Variants in RNF216 observed in about 807,000 individuals in gnomAD.
RNF216 encodes the protein E3 ubiquitin-protein ligase RNF216.
RNF216 carries 72 observed loss-of-function variants against 110.8 expected under a neutral mutation model. The observed-to-expected ratio is 0.65, with a 90% CI of 0.54 to 0.79. The LOEUF is 0.79. Among genes scored for constraint, RNF216 ranks in the 30% least tolerant of loss-of-function variants. The probability of loss-of-function intolerance (pLI) is 0.00; values close to 1 mark genes in which losing one functional copy is unlikely to be tolerated. For synonymous variants in RNF216, 495 were observed against 407.5 expected, an observed-to-expected ratio of 1.21 and a Z score of -2.59; for missense variants, 1,342 against 1,141.2, an observed-to-expected ratio of 1.18 and a Z score of -2.54.
At chr7:5,672,666 T>C (rs852412) in intron 13 of RNF216, among the ~76,000 whole-genome samples, 2,300 of 152,310 alleles carry the variant, frequency 0.015, 33 homozygotes, top group South Asian at 0.034. Flanking sequence ...TAAATACTTA[T>C]GTGATCACAT....
chr7:5,730,387 G>A (rs1794017676), intron 6 of RNF216, among the ~76,000 whole-genome samples: 1 of 152,184 alleles, frequency 6.6e-6, no homozygotes, highest in Admixed American at 6.5e-5. Context: ...ATAATAAAAT[G>A]TTAAGAGTTT....
At chr7:5,747,578 T>A (rs1795092122) in intron 3 of RNF216, among the ~76,000 whole-genome samples, 1 of 151,572 alleles carries the variant, frequency 6.6e-6, no homozygotes, top group African/African-American at 2.4e-5. Context: ...TAAGGTTTTG[T>A]CTGTTTTTTA....
chr7:5,779,370 G>C (rs1320088925), intron 1 of RNF216, among the ~76,000 whole-genome samples: 1 of 152,032 alleles, frequency 6.6e-6, no homozygotes, highest in East Asian at 1.9e-4. Context: ...ATCTGGCCCA[G>C]ACTCTCCAGG....
At chr7:5,705,623 C>T (rs1384353898) in intron 13 of RNF216, among the ~76,000 whole-genome samples, 3 of 152,046 alleles carry the variant, frequency 2.0e-5, no homozygotes, top group African/African-American at 4.8e-5. Context: ...AAAAAAACTG[C>T]GGTAGGCTGG....
intron 15 of RNF216, among the ~76,000 whole-genome samples, chr7:5,628,310 A>G (rs559530366): frequency 6.6e-6 from 1 of 152,304 alleles, no homozygotes; most frequent in Non-Finnish European, 1.5e-5. Context: ...GACGGCACTC[A>G]GCTACAATGA....
chr7:5,770,017 C>T (rs1386455538), intron 1 of RNF216, among the ~76,000 whole-genome samples: 3 of 86,892 alleles, frequency 3.5e-5, no homozygotes, highest in Non-Finnish European at 6.3e-5. Flanking sequence ...CAGAGTGAGA[C>T]CCATCTCAAA....
chr7:5,679,657 C>T (rs1790526279), intron 13 of RNF216, among the ~76,000 whole-genome samples: 1 of 152,206 alleles, frequency 6.6e-6, no homozygotes, highest in African/African-American at 2.4e-5. Flanking sequence ...CCACTGAAAT[C>T]GAGAGAATAG....
At chr7:5,690,218 T>G (rs935390386) in intron 13 of RNF216, among the ~76,000 whole-genome samples, 3 of 151,198 alleles carry the variant, frequency 2.0e-5, no homozygotes, top group Non-Finnish European at 4.4e-5. Flanking sequence ...TCCCAGCTAC[T>G]TGGGAGGCTG....
At chr7:5,695,665 T>G (rs1452755889) in intron 13 of RNF216, among the ~76,000 whole-genome samples, 2 of 152,230 alleles carry the variant, frequency 1.3e-5, no homozygotes, top group Non-Finnish European at 2.9e-5. Context: ...TGTCATTTGT[T>G]GTGGTTTTGG....
intron 3 of RNF216, among the ~76,000 whole-genome samples, chr7:5,750,129 C>A (rs1240246356): frequency 6.6e-6 from 1 of 152,208 alleles, no homozygotes; most frequent in Non-Finnish European, 1.5e-5. Flanking sequence ...AAGGACACAA[C>A]TGGAAACTGG....
chr7:5,642,208 TTC>T (rs1191781218), intron 14 of RNF216, among the ~76,000 whole-genome samples: 1 of 150,852 alleles, frequency 6.6e-6, no homozygotes, highest in African/African-American at 2.5e-5. Context: ...CAACTCAAGG[TTC>T]TGTTTTGTTT....
chr7:5,647,151 AG>A (rs951165191), intron 14 of RNF216, among the ~76,000 whole-genome samples: 2 of 150,804 alleles, frequency 1.3e-5, no homozygotes, highest in South Asian at 2.1e-4. Flanking sequence ...TGCCTCTGGC[AG>A]TTTTTGCCAG....
chr7:5,672,775 G>T (rs852411), intron 13 of RNF216, among the ~76,000 whole-genome samples: 15 of 151,988 alleles, frequency 9.9e-5, no homozygotes, highest in Admixed American at 9.2e-4. Context: ...GGTAGAGGAT[G>T]GATATGAGGG....
chr7:5,723,094 T>G (rs958580612), intron 8 of RNF216, among the ~76,000 whole-genome samples: 4 of 152,230 alleles, frequency 2.6e-5, no homozygotes, highest in African/African-American at 9.6e-5. Flanking sequence ...TTAACCTCTC[T>G]GTGCTTCACT....
Position 5,741,716 on chromosome 7 carries a change from C to T in RNF216, c.301G>A (p.Ala101Thr). 6.2e-7 allele frequency: 1 copy of T among 1,614,182 alleles called. No homozygotes were observed. The highest frequency in any genetic ancestry group is 8.5e-7 in the Non-Finnish European group (1 of 1,180,038). The change falls in exon 4 of 17, where the codon GCA becomes ACA. Residue 101 changes from alanine (A) to threonine (T), a missense_variant. Ala to Thr is a moderately conservative substitution (Grantham distance 58, BLOSUM62 0). Transcript: ENST00000389902. ...CTGCTCTTATCTGATTCAAATGCTG[C>T]TCTAGACTTTTTAGGCCTTTCTTCT... ...LGEERPKKSRAAFESDKSSYF... is the reference protein window; with the variant it reads ...LGEERPKKSRTAFESDKSSYF...
At chr7:5,729,677 T>C in intron 6 of RNF216, 81 bp from the exon 7 acceptor site, 4 of 1,169,176 alleles carry the variant, frequency 3.4e-6, no homozygotes, top group Non-Finnish European at 4.9e-6. Context: ...GAATTACATG[T>C]GTAGAAAAGA....
In RNF216 at chr7:5,747,874, G is replaced by A. The variant is rs573338092; in HGVS notation, c.201+4972C>T. 9.9e-5 allele frequency among the ~76,000 whole-genome samples: 15 copies of A among 151,876 alleles called. No individual in the cohort carries two copies. In the East Asian group the frequency reaches 2.7e-3, roughly 27 times the overall value. ...GCTCACTACAGCCTTGAATTCCTGA[G>A]CTCAAGTGATCCTCCTGCTAGGCCT... On this transcript the variant is annotated intron_variant, in intron 3 of 16. Coordinates refer to ENST00000389902, the MANE Select transcript of RNF216 (RefSeq NM_207111.4).
At chr7:5,699,995 C>T (rs780931267) in intron 13 of RNF216, among the ~76,000 whole-genome samples, 27 of 152,222 alleles carry the variant, frequency 1.8e-4, no homozygotes, top group Non-Finnish European at 2.5e-4. Context: ...AAATTCCACC[C>T]AACAGCAGCT....
At chr7:5,715,025 T>C (rs1345862546) in intron 11 of RNF216, 28 bp downstream of exon 11, 5 of 1,594,440 alleles carry the variant, frequency 3.1e-6, no homozygotes, top group Middle Eastern at 1.7e-4. Flanking sequence ...GTGTCCTATA[T>C]ACATGGGACA....
Sources: allele counts gnomAD v4.1 joint callset (sites outside exome capture counted in the v4.1 genomes callset), GRCh38; gene constraint gnomAD v4.1.1; transcripts MANE v1.5; gene names NCBI Gene and HGNC (gene_info 2026-07-23, HGNC 2026-07-21).